Variants in LGI2 observed in about 807,000 individuals in gnomAD.
LGI2 encodes the protein leucine-rich repeat LGI family member 2.
In LGI2, 30 loss-of-function variants were observed where a neutral mutation model predicts 52.0. The observed-to-expected ratio is 0.58, with a 90% CI of 0.43 to 0.78. The LOEUF (loss-of-function observed/expected upper bound fraction) is 0.78. Ranked by LOEUF, LGI2 falls within the 30% of genes least tolerant of loss-of-function variation. The pLI is 0.00. For missense variants in LGI2, 573 were observed against 692.5 expected (o/e 0.83, Z 1.94); for synonymous variants, 270 against 271.8 (o/e 0.99, Z 0.06).
intron 6 of LGI2, among the ~76,000 whole-genome samples, chr4:25,013,192 T>A (rs1035188626): frequency 6.6e-6 from 1 of 152,250 alleles, no homozygotes; most frequent in African/African-American, 2.4e-5. Context: ...TCAATACATG[T>A]TACCTTTTAG....
downstream of LGI2, among the ~76,000 whole-genome samples, chr4:24,998,460 C>T (rs1184571698): frequency 6.6e-6 from 1 of 152,162 alleles, no homozygotes; most frequent in Non-Finnish European, 1.5e-5. Context: ...AGCTCCCAGA[C>T]ATGCAGAAAA....
chr4:25,012,933 A>G (rs1725637013), intron 6 of LGI2, among the ~76,000 whole-genome samples: 1 of 152,242 alleles, frequency 6.6e-6, no homozygotes, highest in African/African-American at 2.4e-5. Flanking sequence ...CTCTCAGAAC[A>G]GCCCCTGAAG....
chr4:25,012,592 A>T (rs1725626268), intron 6 of LGI2, 93 bp from the exon 7 acceptor site: 3 of 1,343,118 alleles, frequency 2.2e-6, no homozygotes, highest in Non-Finnish European at 3.1e-6. Context: ...ATCAGCTCTG[A>T]AAAGGACTGG....
At chr4:24,997,053 TGGAGCAGAGGCCAAGAGG>T (rs1725102751), downstream of LGI2, among the ~76,000 whole-genome samples, 1 of 152,184 alleles carries the variant, frequency 6.6e-6, no homozygotes, top group African/African-American at 2.4e-5. Flanking sequence ...AGAGGCTGCC[TGGAGCAGAGGCCAAGAGG>T]GTAAGGTTTG....
At chr4:25,023,671 C>A (rs1726049509) in intron 4 of LGI2, among the ~76,000 whole-genome samples, 1 of 152,188 alleles carries the variant, frequency 6.6e-6, no homozygotes, top group South Asian at 2.1e-4. Flanking sequence ...CACTTCCAGT[C>A]AAAACCCTCC....
chr4:25,025,890 T>G (rs140661572), intron 3 of LGI2, among the ~76,000 whole-genome samples: 2 of 152,178 alleles, frequency 1.3e-5, no homozygotes, highest in Non-Finnish European at 2.9e-5. Flanking sequence ...AGAAAACTCA[T>G]AGCTTTACAA....
intron 4 of LGI2, among the ~76,000 whole-genome samples, chr4:25,020,847 T>G (rs973841537): frequency 6.6e-6 from 1 of 152,212 alleles, no homozygotes; most frequent in Non-Finnish European, 1.5e-5. Context: ...ACCTTTCTTT[T>G]CTAAATGAGG....
At chr4:25,015,003 T>C (rs986007557) in intron 6 of LGI2, among the ~76,000 whole-genome samples, 3 of 152,134 alleles carry the variant, frequency 2.0e-5, no homozygotes, top group African/African-American at 7.2e-5. Context: ...TGGAAAGATC[T>C]CAGAAATACA....
intron 7 of LGI2, among the ~76,000 whole-genome samples, chr4:25,012,036 G>A (rs1725599931): frequency 6.6e-6 from 1 of 152,112 alleles, no homozygotes; most frequent in Admixed American, 6.5e-5. Context: ...ATACTGCTCA[G>A]GACAAGGGAT....
rs1396127411 is a variant in LGI2 at position 25,003,624 on chromosome 4, T to G, written c.1465A>C (p.Ile489Leu). 6.2e-7 allele frequency: 1 copy of G among 1,614,188 alleles called. No individual in the cohort carries two copies. Among genetic ancestry groups the G allele is most frequent in the East Asian group, 2.2e-5 (1 of 44,890 alleles). The change falls in exon 8 of 8, where the codon ATA becomes CTA. Residue 489 changes from isoleucine to leucine, a missense_variant. Physicochemically the swap from Ile to Leu is conservative, Grantham distance 5. Transcript: ENST00000382114. ...TGCTTCTCTTTATCCCACTGGTATA[T>G]CTGAGAGAATGTATAGTCACTCCCC... ...ALGSDYTFSQ[I>L]YQWDKEKQLF... is the part of the protein sequence containing the mutation.
chr4:25,016,177 G>A (rs1483028757), intron 6 of LGI2, among the ~76,000 whole-genome samples: 2 of 151,976 alleles, frequency 1.3e-5, no homozygotes, highest in African/African-American at 2.4e-5. Flanking sequence ...TATCCTCAGG[G>A]CCCTAAGCTC....
intron 6 of LGI2, among the ~76,000 whole-genome samples, chr4:25,016,271 C>A (rs1160618545): frequency 2.0e-5 from 3 of 152,216 alleles, no homozygotes; most frequent in African/African-American, 4.8e-5. Context: ...AGCAAAGTTT[C>A]TCCACGCTAT....
chr4:25,024,593 C>A (rs1470013428), intron 4 of LGI2, among the ~76,000 whole-genome samples: 1 of 152,228 alleles, frequency 6.6e-6, no homozygotes, highest in Non-Finnish European at 1.5e-5. Context: ...AATTCCCACA[C>A]AGTCATGTGG....
Position 25,003,518 on chromosome 4 carries a change from A to T in LGI2, c.1571T>A (p.Phe524Tyr). 6.2e-7 allele frequency: 1 copy of T among 1,606,920 alleles called. No homozygotes were observed. The highest frequency in any genetic ancestry group is 8.5e-7 in the Non-Finnish European group (1 of 1,178,472). Residue 524 changes from phenylalanine to tyrosine, a missense_variant, in exon 8 of 8, where the codon TTT (phenylalanine) becomes TAT (tyrosine). By Grantham distance (22) the Phe-to-Tyr change is conservative. Transcript: ENST00000382114. ...TAVSTDRRDF[F>Y]FASSFKGKTK... The stretch of plus-strand genomic sequence containing the variant: ...TTTCCCTTTGAAACTGGATGCAAAA[A>T]AGAAATCTCTCCTGTCGGTGGAGAC...
chr4:24,994,147 G>C (rs1202359221), downstream of LGI2, among the ~76,000 whole-genome samples: 1 of 151,866 alleles, frequency 6.6e-6, no homozygotes, highest in Non-Finnish European at 1.5e-5. Flanking sequence ...ACAGAGCTTT[G>C]CTGAACAACA....
At chr4:25,028,405 TG>T in intron 2 of LGI2, 101 bp downstream of exon 2, 1 of 1,023,908 alleles carries the variant, frequency 9.8e-7, no homozygotes, top group South Asian at 1.4e-5. Flanking sequence ...CTCACGGAGC[TG>T]GGGTACTTTA....
chr4:25,017,982 T>C lies in LGI2; in HGVS notation c.655+7A>G, dbSNP rs1274598366. On this transcript the variant is annotated splice_region_variant and intron_variant, in intron 6 of 7. Transcript: ENST00000382114. ...TATCCGTGTCTGATGAGATAGGCTC[T>C]GAATACCTGTAGTTGTGCATTCATA... 3.1e-6 allele frequency: 5 copies of C among 1,602,624 alleles called. No individual in the cohort carries two copies. Among genetic ancestry groups the C allele is most frequent in the South Asian group, 1.1e-5 (1 of 88,396 alleles).
chr4:25,017,762 G>A (rs143440880), intron 6 of LGI2, among the ~76,000 whole-genome samples: 3 of 152,076 alleles, frequency 2.0e-5, no homozygotes, highest in African/African-American at 4.8e-5. Context: ...TTTGAATTTC[G>A]TAAAGAAGCA....
intron 1 of LGI2, among the ~76,000 whole-genome samples, chr4:25,029,457 A>G (rs1276269085): frequency 1.3e-5 from 2 of 152,240 alleles, no homozygotes; most frequent in Non-Finnish European, 2.9e-5. Flanking sequence ...GACACAAGAA[A>G]GTATCTTGAG....
Sources: allele counts gnomAD v4.1 joint callset (sites outside exome capture counted in the v4.1 genomes callset), GRCh38; gene constraint gnomAD v4.1.1; transcripts MANE v1.5; gene names NCBI Gene and HGNC (gene_info 2026-07-23, HGNC 2026-07-21).